The following ABHD12 variants were observed in gnomAD, a reference collection of about 807,000 sequenced individuals.
ABHD12 encodes lysophosphatidylserine lipase ABHD12.
Under a neutral mutation model 58.3 loss-of-function variants are expected in ABHD12, and 43 were observed. The ratio of observed to expected loss-of-function variants is 0.74; its 90% CI spans 0.58 to 0.95. The LOEUF (loss-of-function observed/expected upper bound fraction) is 0.95, where lower values mean the gene tolerates loss of function less well. Ranked by LOEUF, ABHD12 falls within the 40% of genes least tolerant of loss-of-function variation. The pLI is 0.00. For missense variants in ABHD12, 539 were observed against 537.2 expected, an observed-to-expected ratio of 1.00 and a Z score of -0.03; for synonymous variants, 219 against 211.2, an observed-to-expected ratio of 1.04 and a Z score of -0.32.
intron 2 of ABHD12, among the ~76,000 whole-genome samples, chr20:25,331,211 T>A (rs1453519301): frequency 6.6e-6 from 1 of 151,964 alleles, no homozygotes; most frequent in East Asian, 1.9e-4. Context: ...AGAAAGGGTA[T>A]CAGTGATGGA....
intron 6 of ABHD12, among the ~76,000 whole-genome samples, chr20:25,312,555 T>C (rs1362566551): frequency 6.6e-6 from 1 of 152,198 alleles, no homozygotes; most frequent in East Asian, 1.9e-4. Flanking sequence ...GCCGCCTGCT[T>C]TGGCCTCCCA....
intron 1 of ABHD12, among the ~76,000 whole-genome samples, chr20:25,366,836 T>C (rs969666405): frequency 1.3e-5 from 2 of 152,210 alleles, no homozygotes; most frequent in African/African-American, 4.8e-5. Flanking sequence ...TATTTGGGTC[T>C]ATTTGGGAAT....
chr20:25,362,320 G>A (rs913694742), intron 1 of ABHD12, among the ~76,000 whole-genome samples: 1 of 151,808 alleles, frequency 6.6e-6, no homozygotes, highest in African/African-American at 2.4e-5. Context: ...TACAATCCCA[G>A]CACTTTGGGA....
intron 1 of ABHD12, among the ~76,000 whole-genome samples, chr20:25,362,270 A>C (rs1405596542): frequency 6.6e-6 from 1 of 151,616 alleles, no homozygotes; most frequent in Admixed American, 6.6e-5. Context: ...ACAGAGCAAG[A>C]CTCTGTCAAA....
In ABHD12 at chr20:25,390,640, A is replaced by G; in HGVS notation, c.64T>C (p.Ser22Pro). The G allele has an allele frequency of 6.9e-7, 1 of 1,449,372 alleles. No homozygotes were observed. Among genetic ancestry groups the G allele is most frequent in the Non-Finnish European group, 9.0e-7 (1 of 1,105,598 alleles). The allele number at this position is 1,449,372 out of a possible 1,614,324, so 89.8% of individuals were successfully genotyped here. ...HERCAAAGSS[S>P]SGSAAAALDA... The stretch of plus-strand genomic sequence containing the variant: ...AGCGCCGCGGCGGCCGAGCCGGAGG[A>G]GGACGAGCCCGCGGCGGCGCAGCGC... The change falls in exon 1 of 13, where the codon TCC (serine) becomes CCC (proline). Residue 22 changes from serine (S) to proline (P), a missense_variant. By Grantham distance (74) the Ser-to-Pro change is moderately conservative. Coordinates refer to ENST00000339157, the MANE Select transcript of ABHD12 (RefSeq NM_001042472.3).
At chr20:25,296,104 G>A (rs923055645), downstream of ABHD12, among the ~76,000 whole-genome samples, 2 of 152,110 alleles carry the variant, frequency 1.3e-5, no homozygotes, top group South Asian at 2.1e-4. Context: ...CCCTATCGTC[G>A]TCCTGGGGGC....
chr20:25,306,886 C>T lies in ABHD12; in HGVS notation c.897G>A (p.Trp299Ter), dbSNP rs2088753060. 6.2e-7 allele frequency: 1 copy of T among 1,612,646 alleles called. No individual in the cohort carries two copies. Among genetic ancestry groups the T allele is most frequent in the East Asian group, 2.2e-5 (1 of 44,894 alleles). ...VIYRYFPGFD[W>*]FFLDPITSSG... ...TACTTGTAATAGGATCAAGGAAGAA[C>T]CAGTCAAACCCAGGGAAGTATCGAT... The change falls in exon 10 of 13, where the codon TGG becomes TGA. Residue 299 changes from tryptophan (W) to a stop codon, truncating the protein, a stop_gained. Coordinates refer to ENST00000339157, the MANE Select transcript of ABHD12 (RefSeq NM_001042472.3). LOFTEE classifies it high-confidence loss of function.
At chr20:25,303,313 C>T in intron 11 of ABHD12, 1 of 1,407,964 alleles carries the variant, frequency 7.1e-7, no homozygotes. Flanking sequence ...TTCTTGGAGA[C>T]AGCATCAGTG....
At chr20:25,350,959 TCACACACACACACACACACACACACACA>T (rs61061019) in intron 1 of ABHD12, among the ~76,000 whole-genome samples, 3,153 of 142,298 alleles carry the variant, frequency 0.022, 100 homozygotes, top group African/African-American at 0.075. Flanking sequence ...TACGAATCCT[TCACACACACACACACACACACACACACA>T]CACACACACA....
At chr20:25,308,251 T>C (rs2088782284) in intron 8 of ABHD12, among the ~76,000 whole-genome samples, 1 of 152,232 alleles carries the variant, frequency 6.6e-6, no homozygotes, top group Non-Finnish European at 1.5e-5. Flanking sequence ...GCAGACTTGC[T>C]GATGCGGCTC....
chr20:25,367,252 A>G (rs1272557007), intron 1 of ABHD12, among the ~76,000 whole-genome samples: 3 of 152,204 alleles, frequency 2.0e-5, no homozygotes, highest in Non-Finnish European at 4.4e-5. Context: ...GTAGTCATTA[A>G]AAAACAAAGA....
chr20:25,319,599 C>T (rs978329005), intron 4 of ABHD12, among the ~76,000 whole-genome samples: 1 of 152,210 alleles, frequency 6.6e-6, no homozygotes, highest in South Asian at 2.1e-4. Flanking sequence ...TAACAAAGAT[C>T]TGCCTGCCAC....
chr20:25,334,928 T>A (rs1331780234), intron 2 of ABHD12, among the ~76,000 whole-genome samples: 1 of 151,634 alleles, frequency 6.6e-6, no homozygotes. Flanking sequence ...CCAAAAGCAA[T>A]GGCAACAAAA....
At chr20:25,345,034 T>C (rs1295872356) in intron 1 of ABHD12, among the ~76,000 whole-genome samples, 2 of 150,098 alleles carry the variant, frequency 1.3e-5, no homozygotes, top group Non-Finnish European at 3.0e-5. Context: ...ACTATAAAAC[T>C]CCTAGGAGAT....
At chr20:25,308,162 G>C in intron 8 of ABHD12, 117 bp from the exon 9 acceptor site, 1 of 817,790 alleles carries the variant, frequency 1.2e-6, no homozygotes, top group Admixed American at 1.8e-5. Flanking sequence ...CTCCCACCAG[G>C]CAACCACCTC....
At chr20:25,379,086 C>A (rs2042645199) in intron 1 of ABHD12, among the ~76,000 whole-genome samples, 2 of 152,182 alleles carry the variant, frequency 1.3e-5, no homozygotes, top group Admixed American at 6.5e-5. Context: ...TTCATGTGAA[C>A]CTTTCGCCCA....
chr20:25,390,282 CAG>C, intron 1 of ABHD12: 1 of 416,210 alleles, frequency 2.4e-6, no homozygotes, highest in Non-Finnish European at 4.2e-6. Flanking sequence ...GAGCAGGACA[CAG>C]GGGGTCAGCG....
chr20:25,300,370 G>T lies in ABHD12; in HGVS notation c.*475C>A. On this transcript the variant is annotated 3_prime_UTR_variant, in exon 13 of 13. Coordinates refer to ENST00000339157, the MANE Select transcript of ABHD12 (RefSeq NM_001042472.3). ...GTGGGGCAGCTGAGAAAGGCAAGCA[G>T]GTACACAGGGCAGGAGGGGACGATG... 1 of 1,069,422 alleles carries T rather than the reference G, an allele frequency of 9.4e-7. No homozygotes were observed. The highest frequency in any genetic ancestry group is 1.1e-6 in the Non-Finnish European group (1 of 879,474). 66.2% of individuals were successfully genotyped at this position (1,069,422 alleles called of 1,614,324 possible).
chr20:25,307,820 C>T (rs994701660), intron 9 of ABHD12, 146 bp downstream of exon 9: 2 of 354,210 alleles, frequency 5.6e-6, no homozygotes, highest in Non-Finnish European at 9.8e-6. Flanking sequence ...GTGGCCAAAA[C>T]TAGTATTAAT....
Sources: gnomAD v4.1 joint callset for allele counts (sites outside exome capture counted in the v4.1 genomes callset) on GRCh38, gnomAD v4.1.1 for gene constraint, MANE v1.5 for transcripts, NCBI Gene and HGNC (gene_info 2026-07-23, HGNC 2026-07-21) for gene names.